CHST7: variants seen among roughly 807,000 people sequenced by gnomAD.
The protein encoded by CHST7 is N-acetylglucosamine 6-O-sulfotransferase 4.
CHST7 carries 5 observed loss-of-function variants against 9.0 expected under a neutral mutation model. The ratio of observed to expected loss-of-function variants is 0.56; its 90% CI spans 0.29 to 1.17. The LOEUF (loss-of-function observed/expected upper bound fraction) is 1.17. CHST7 is among the 50% of genes most tolerant of loss of function. CHST7 has a pLI of 0.08. For synonymous variants in CHST7, 244 were observed against 237.1 expected (o/e 1.03, Z -0.27); for missense variants, 377 against 485.1 (o/e 0.78, Z 2.09).
rs1942524190 is a variant in CHST7, at chrX:46,581,306, C to T, written c.*31+5883C>T. Among the ~76,000 whole-genome samples the T allele has an allele frequency of 4.8e-5, 5 of 104,227 alleles. No individual in the cohort carries two copies. The Admixed American group carries it at 5.2e-4, about 11-fold the overall frequency. The allele number at this position is 104,227 out of a possible 115,157, so 90.5% of individuals were successfully genotyped here. The stretch of plus-strand genomic sequence containing the variant: ...GGTGCAGTGGCTCATGCCTGTAATC[C>T]CAGCACTTTGGTAGGCCGAGGCAGG... On this transcript the variant is annotated intron_variant, in intron 1 of 1. Transcript: ENST00000276055.
chrX:46,590,271 T>C (rs1942568016), intron 1 of CHST7, among the ~76,000 whole-genome samples: 1 of 110,012 alleles, frequency 9.1e-6, no homozygotes, highest in African/African-American at 3.3e-5. Context: ...TTTTTTTTAC[T>C]TTTTATTTTG....
chrX:46,585,979 A>T (rs1448805710), intron 1 of CHST7, among the ~76,000 whole-genome samples: 2 of 111,316 alleles, frequency 1.8e-5, no homozygotes, highest in East Asian at 5.7e-4. Context: ...ACCTCCTGAC[A>T]AGTGATCCGC....
At chrX:46,596,511 G>A (rs1440617884) in intron 1 of CHST7, among the ~76,000 whole-genome samples, 1 of 110,767 alleles carries the variant, frequency 9.0e-6, no homozygotes, top group Non-Finnish European at 1.9e-5. Context: ...CTGTCCATAA[G>A]TTCCCCGATA....
At chrX:46,588,710 C>G (rs1272818619) in intron 1 of CHST7, among the ~76,000 whole-genome samples, 1 of 111,281 alleles carries the variant, frequency 9.0e-6, no homozygotes, top group African/African-American at 3.3e-5. Flanking sequence ...GACTTTCAAT[C>G]TTTAAATAAA....
At chrX:46,594,894 T>C (rs974091650) in intron 1 of CHST7, among the ~76,000 whole-genome samples, 1 of 111,773 alleles carries the variant, frequency 8.9e-6, no homozygotes, top group Non-Finnish European at 1.9e-5. Context: ...GATAGATCAT[T>C]TATTATGGTT....
intron 1 of CHST7, among the ~76,000 whole-genome samples, chrX:46,581,382 C>T (rs1330020152): frequency 3.7e-5 from 4 of 106,988 alleles, no homozygotes; most frequent in African/African-American, 1.4e-4. Context: ...ATGGTGAAAC[C>T]CTGTCTCTAC....
At position 46,575,213 on chromosome X, in the gene CHST7, C is replaced by G. The variant is rs1456028098; in HGVS notation, c.1282C>G (p.Arg428Gly). Reference protein sequence around the residue: ...RPFHLSARDAREAVHAWRERL... With the variant: ...RPFHLSARDAGEAVHAWRERL... The stretch of plus-strand genomic sequence containing the variant: ...CTTCCACCTGTCAGCGCGCGACGCC[C>G]GGGAGGCGGTGCACGCCTGGCGCGA... Residue 428 changes from arginine to glycine, a missense_variant, in exon 1 of 2, where the codon CGG becomes GGG. By Grantham distance (125) the Arg-to-Gly change is moderately radical (BLOSUM62 -2). This residue lies in a region of CHST7 where 130 missense variants were observed against 134.9 expected (regional missense o/e 0.96). Coordinates refer to ENST00000276055, the MANE Select transcript of CHST7 (RefSeq NM_019886.4). The G allele has an allele frequency of 1.8e-5, 20 of 1,101,694 alleles. No individual in the cohort carries two copies. The highest frequency in any genetic ancestry group is 2.4e-5 in the Non-Finnish European group (20 of 850,118). The allele number at this position is 1,101,694 out of a possible 1,213,427, so 90.8% of individuals were successfully genotyped here.
rs1262088172 is a variant in CHST7 at position 46,574,904 on chromosome X, G to C, written c.973G>C (p.Gly325Arg). ...GGCGCACGGCGTGGGTGCTCGCCCC[G>C]GGGGCCAGTCTCGCGCGCTGCCCGC... Reference protein sequence around the residue: ...LLAHGVGARPGGQSRALPAAP... With the variant: ...LLAHGVGARPRGQSRALPAAP... Residue 325 changes from glycine to arginine, a missense_variant, in exon 1 of 2, where the codon GGG becomes CGG. Coordinates refer to ENST00000276055, the MANE Select transcript of CHST7 (RefSeq NM_019886.4). 7 of 1,154,485 alleles carry C rather than the reference G, an allele frequency of 6.1e-6. No homozygotes were observed. In the South Asian group the frequency reaches 7.8e-5, roughly 13 times the overall value.
chrX:46,575,466 C>T, intron 1 of CHST7, 43 bp downstream of exon 1: 4 of 977,517 alleles, frequency 4.1e-6, no homozygotes, highest in Non-Finnish European at 5.2e-6. Context: ...ACTGGTCTTC[C>T]GGGAGCCTGG....
At chrX:46,588,770 TA>T (rs1467468810) in intron 1 of CHST7, among the ~76,000 whole-genome samples, 1 of 111,763 alleles carries the variant, frequency 8.9e-6, no homozygotes, top group Non-Finnish European at 1.9e-5. Context: ...ATTATTTGAA[TA>T]TTGAGGAATG....
At position 46,575,223 on chromosome X, in the gene CHST7, T is replaced by C. The variant is rs1047470760; in HGVS notation, c.1292T>C (p.Val431Ala). 1 of 1,102,791 alleles carries C rather than the reference T, an allele frequency of 9.1e-7. No individual in the cohort carries two copies. Among genetic ancestry groups the C allele is most frequent in the Non-Finnish European group, 1.2e-6 (1 of 849,586 alleles). 90.9% of individuals were successfully genotyped at this position (1,102,791 alleles called of 1,213,427 possible). A position where few individuals can be genotyped will look rare whatever the true frequency, so the allele number is the denominator to read the frequency against. The change falls in exon 1 of 2, where the codon GTG becomes GCG. Residue 431 changes from valine (V) to alanine (A), a missense_variant. Transcript: ENST00000276055. ...TCAGCGCGCGACGCCCGGGAGGCGG[T>C]GCACGCCTGGCGCGAGCGCCTGAGC... ...HLSARDAREAVHAWRERLSRE... is the reference protein window; with the variant it reads ...HLSARDAREAAHAWRERLSRE...
At chrX:46,582,648 C>A (rs1383800330) in intron 1 of CHST7, among the ~76,000 whole-genome samples, 1 of 111,924 alleles carries the variant, frequency 8.9e-6, no homozygotes, top group Non-Finnish European at 1.9e-5. Flanking sequence ...GAAATGGATA[C>A]ATTTTGGTAT....
At chrX:46,596,115 GTGA>G in intron 1 of CHST7, among the ~76,000 whole-genome samples, 1 of 107,328 alleles carries the variant, frequency 9.3e-6, no homozygotes, top group Non-Finnish European at 1.9e-5. Flanking sequence ...TCCAGCCTGG[GTGA>G]CAGAGCTAGA....
intron 1 of CHST7, among the ~76,000 whole-genome samples, chrX:46,580,707 T>A (rs1236185552): frequency 9.0e-6 from 1 of 111,661 alleles, no homozygotes; most frequent in Non-Finnish European, 1.9e-5. Flanking sequence ...AAGTCAAGAC[T>A]TGTCAAGTCT....
chrX:46,576,108 C>T (rs1220084227), intron 1 of CHST7, among the ~76,000 whole-genome samples: 1 of 110,140 alleles, frequency 9.1e-6, no homozygotes, highest in Non-Finnish European at 1.9e-5. Context: ...ACTTGCTTTC[C>T]CCTGGCTCAT....
chrX:46,596,775 G>A (rs1202244356), intron 1 of CHST7, among the ~76,000 whole-genome samples: 1 of 110,238 alleles, frequency 9.1e-6, no homozygotes, highest in African/African-American at 3.3e-5. Flanking sequence ...GTGAAACCCC[G>A]TCTCTACTAA....
At chrX:46,576,579 T>C (rs1287093561) in intron 1 of CHST7, among the ~76,000 whole-genome samples, 1 of 111,658 alleles carries the variant, frequency 9.0e-6, no homozygotes, top group East Asian at 2.8e-4. Context: ...CATAGGAGTC[T>C]ACTTAGTGAC....
At chrX:46,575,497 G>T in intron 1 of CHST7, 74 bp downstream of exon 1, 2 of 848,992 alleles carry the variant, frequency 2.4e-6, no homozygotes, top group Non-Finnish European at 3.0e-6. Context: ...GGAGGGGGAA[G>T]TGTAGGGGGG....
chrX:46,578,594 T>C (rs1187783735), intron 1 of CHST7, among the ~76,000 whole-genome samples: 4 of 108,310 alleles, frequency 3.7e-5, no homozygotes, highest in African/African-American at 1.0e-4. Flanking sequence ...TTTGCAAAGA[T>C]TGGGGATGGG....
Sources: gnomAD v4.1 joint callset for allele counts (sites outside exome capture counted in the v4.1 genomes callset) on GRCh38, gnomAD v4.1.1 for gene constraint, gnomAD v4.1.1 regional missense constraint, MANE v1.5 for transcripts, NCBI Gene and HGNC (gene_info 2026-07-23, HGNC 2026-07-21) for gene names.